Variants in RASSF8 observed in about 807,000 individuals in gnomAD.
RASSF8 encodes the protein ras association domain-containing protein 8.
In RASSF8, 22 loss-of-function variants were observed where a neutral mutation model predicts 48.5. The observed-to-expected ratio is 0.45, with a 90% CI of 0.32 to 0.65. The LOEUF (loss-of-function observed/expected upper bound fraction) is 0.65, where lower values mean the gene tolerates loss of function less well. Ranked by LOEUF, RASSF8 falls within the 30% of genes least tolerant of loss-of-function variation. The pLI is 0.03. For missense variants in RASSF8, 418 were observed against 489.2 expected, an observed-to-expected ratio of 0.85 and a Z score of 1.37; for synonymous variants, 127 against 171.5, an observed-to-expected ratio of 0.74 and a Z score of 2.03.
At chr12:26,000,112 C>T (rs755590427) in intron 2 of RASSF8, among the ~76,000 whole-genome samples, 11 of 151,808 alleles carry the variant, frequency 7.2e-5, no homozygotes, top group Admixed American at 2.0e-4. Context: ...AATGTTTATA[C>T]GGTAAAGAAG....
At chr12:26,079,213 C>T (rs538230713) in exon 6 of RASSF8, 12 of 551,832 alleles carry the variant, frequency 2.2e-5, no homozygotes, top group South Asian at 1.7e-4. Context: ...ATTTGCAAAC[C>T]GTTATCTGGT....
chr12:25,982,870 T>C (rs926252627), intron 1 of RASSF8, among the ~76,000 whole-genome samples: 2 of 152,200 alleles, frequency 1.3e-5, no homozygotes, highest in African/African-American at 4.8e-5. Context: ...CCAATAATAA[T>C]CAGCATTCAT....
At position 26,067,733 on chromosome 12, in the gene RASSF8, G is replaced by T; in HGVS notation, c.1138+20G>T. The stretch of plus-strand genomic sequence containing the variant: ...AAAGGGGTAAGATGTTGATAAATAT[G>T]GTTTATTTTCCCTTTATTCTCACTG... On this transcript the variant is annotated intron_variant, in intron 5 of 5. Transcript: ENST00000689635. The T allele has an allele frequency of 6.2e-7, 1 of 1,612,654 alleles. No homozygotes were observed.
chr12:26,005,852 GTCTTGAA>G (rs1351090948), intron 2 of RASSF8, among the ~76,000 whole-genome samples: 1 of 152,146 alleles, frequency 6.6e-6, no homozygotes, highest in East Asian at 1.9e-4. Flanking sequence ...AGAAAAACTT[GTCTTGAA>G]CCTCCAATTT....
chr12:25,976,690 C>A (rs1166217370), intron 1 of RASSF8, among the ~76,000 whole-genome samples: 4 of 152,150 alleles, frequency 2.6e-5, no homozygotes, highest in African/African-American at 9.7e-5. Context: ...TAAATCCCTG[C>A]CTTCGTTCTT....
chr12:26,025,562 C>CAAA lies in RASSF8; in HGVS notation c.-108-29658_-108-29656dup, dbSNP rs34036145. On this transcript the variant is annotated intron_variant, in intron 2 of 5. Transcript: ENST00000689635. ...TGGGCGACAGAGTGAGACTCTGTCTCAAAAAAAAAAAAAAAAAAGCATTCA... is the reference window on the plus strand; with the variant it reads ...TGGGCGACAGAGTGAGACTCTGTCTCAAAAAAAAAAAAAAAAAAAAAGCATTCA... Among the ~76,000 whole-genome samples the CAAA allele has an allele frequency of 7.4e-3, 741 of 100,638 alleles. 13 individuals carry two copies. The highest frequency in any genetic ancestry group is 0.074 in the East Asian group (255 of 3,468). The allele number at this position is 100,638 out of a possible 152,430, so 66.0% of individuals were successfully genotyped here. A position where few individuals can be genotyped will look rare whatever the true frequency, so the allele number is the denominator to read the frequency against.
chr12:25,969,463 A>G (rs1941433982), intron 1 of RASSF8, among the ~76,000 whole-genome samples: 1 of 152,144 alleles, frequency 6.6e-6, no homozygotes, highest in South Asian at 2.1e-4. Context: ...GAATTAGTAA[A>G]ATTGAAAAGG....
chr12:26,022,102 A>G (rs1253585616), intron 2 of RASSF8, among the ~76,000 whole-genome samples: 1 of 152,222 alleles, frequency 6.6e-6, no homozygotes, highest in Non-Finnish European at 1.5e-5. Flanking sequence ...TGAGACTGTG[A>G]AACAATTTAT....
At chr12:25,964,783 T>C (rs187302757) in intron 1 of RASSF8, among the ~76,000 whole-genome samples, 1 of 152,306 alleles carries the variant, frequency 6.6e-6, no homozygotes, top group East Asian at 1.9e-4. Flanking sequence ...AATAGGGATG[T>C]TTTGTAATGT....
At chr12:26,042,024 T>C (rs1052550972) in intron 2 of RASSF8, among the ~76,000 whole-genome samples, 1 of 152,258 alleles carries the variant, frequency 6.6e-6, no homozygotes, top group East Asian at 1.9e-4. Flanking sequence ...TTTGGACTTT[T>C]CAATCTGAAT....
chr12:25,959,777 T>G (rs1440583563), intron 1 of RASSF8: 1 of 152,172 alleles, frequency 6.6e-6, no homozygotes, highest in Non-Finnish European at 1.5e-5. Context: ...TGGGTCCTGG[T>G]GCGGCACTGG....
At chr12:25,968,198 A>G (rs1941402696) in intron 1 of RASSF8, among the ~76,000 whole-genome samples, 1 of 152,148 alleles carries the variant, frequency 6.6e-6, no homozygotes, top group Admixed American at 6.5e-5. Context: ...AGGCATCCAT[A>G]TCTTAATTGC....
intron 2 of RASSF8, among the ~76,000 whole-genome samples, chr12:25,999,138 A>T (rs1483752668): frequency 6.6e-6 from 1 of 152,124 alleles, no homozygotes; most frequent in Non-Finnish European, 1.5e-5. Flanking sequence ...GGAGGGAGAG[A>T]TGAGTGAGGT....
intron 2 of RASSF8, among the ~76,000 whole-genome samples, chr12:26,023,664 CAAAA>C (rs770619205): frequency 1.4e-5 from 2 of 147,456 alleles, no homozygotes; most frequent in Admixed American, 6.7e-5. Context: ...GCATTAAAAA[CAAAA>C]AAAACAAAAA....
In RASSF8 at chr12:26,010,270, G is replaced by A. The variant is rs114759168; in HGVS notation, c.-109+15140G>A. The stretch of plus-strand genomic sequence containing the variant: ...TAAATTAGAAATTAGAAATTAGAAG[G>A]GAAGGTAGAACCAATGGCTTTTTCT... On this transcript the variant is annotated intron_variant, in intron 2 of 5. Coordinates refer to ENST00000689635, the MANE Select transcript of RASSF8 (RefSeq NM_001394098.1). 3.1e-3 allele frequency among the ~76,000 whole-genome samples: 466 copies of A among 152,356 alleles called. 6 individuals carry two copies. The highest frequency in any genetic ancestry group is 0.011 in the African/African-American group (446 of 41,576).
At chr12:25,959,814 G>T (rs1025371885) in intron 1 of RASSF8, 2 of 152,130 alleles carry the variant, frequency 1.3e-5, no homozygotes, top group East Asian at 3.9e-4. Context: ...ACTTGGGTTC[G>T]GAATCCAGTG....
At chr12:26,005,698 AG>A (rs1195702185) in intron 2 of RASSF8, among the ~76,000 whole-genome samples, 1 of 152,192 alleles carries the variant, frequency 6.6e-6, no homozygotes, top group Non-Finnish European at 1.5e-5. Context: ...CACCATGTTA[AG>A]GTTCATATCA....
upstream of RASSF8, chr12:25,958,277 G>T (rs930443185): frequency 6.6e-6 from 1 of 151,934 alleles, no homozygotes; most frequent in Non-Finnish European, 1.5e-5. Flanking sequence ...GGAAGATTTT[G>T]CCCGTGGGAC....
chr12:26,071,144 T>A lies in RASSF8; in HGVS notation c.*2326T>A. The A allele has an allele frequency of 3.4e-5, 33 of 974,678 alleles. No homozygotes were observed. The highest frequency in any genetic ancestry group is 4.0e-5 in the Non-Finnish European group (33 of 820,174). 60.4% of individuals were successfully genotyped at this position (974,678 alleles called of 1,614,324 possible). On this transcript the variant is annotated 3_prime_UTR_variant, in exon 6 of 6. Coordinates refer to ENST00000689635, the MANE Select transcript of RASSF8 (RefSeq NM_001394098.1). The stretch of plus-strand genomic sequence containing the variant: ...GTACTTTTTAATTAGTTATATTACT[T>A]CTGGAAGCACATATCTAAGGAATAT...
Sources: allele counts gnomAD v4.1 joint callset (sites outside exome capture counted in the v4.1 genomes callset), GRCh38; gene constraint gnomAD v4.1.1; transcripts MANE v1.5; gene names NCBI Gene and HGNC (gene_info 2026-07-23, HGNC 2026-07-21).